Variants in NAPG observed in about 807,000 individuals in gnomAD.
NAPG encodes gamma-soluble NSF attachment protein.
A neutral mutation model predicts 48.4 loss-of-function variants in NAPG; 25 were observed. That is an observed-to-expected ratio of 0.52 (90% CI 0.38 to 0.72). NAPG has a LOEUF of 0.72. Among genes scored for constraint, NAPG ranks in the 30% least tolerant of loss-of-function variants. The pLI is 0.00. For missense variants in NAPG, 359 were observed against 372.5 expected, an observed-to-expected ratio of 0.96 and a Z score of 0.30; for synonymous variants, 139 against 127.2, an observed-to-expected ratio of 1.09 and a Z score of -0.62.
chr18:10,534,573 A>C lies in NAPG; in HGVS notation c.258+77A>C. The C allele has an allele frequency of 7.0e-7, 1 of 1,421,790 alleles. No homozygotes were observed. Among genetic ancestry groups the C allele is most frequent in the South Asian group, 1.2e-5 (1 of 86,552 alleles). The allele number at this position is 1,421,790 out of a possible 1,614,324, so 88.1% of individuals were successfully genotyped here. On this transcript the variant is annotated intron_variant, in intron 5 of 11. Coordinates refer to ENST00000322897, the MANE Select transcript of NAPG (RefSeq NM_003826.3). This position sits in a 1 kb window ranked among gnomAD's most constrained non-coding sequence, Gnocchi z 5.0. ...AGGTGTTAAACAAGAATTTTTGTTG[A>C]AGTTGAAAAGCTTCCTTACTGTAAG...
At chr18:10,533,475 C>T (rs907272253) in intron 3 of NAPG, 61 bp from the exon 4 acceptor site, 1 of 1,432,046 alleles carries the variant, frequency 7.0e-7, no homozygotes, top group Non-Finnish European at 9.5e-7. Context: ...AATAGTTGAT[C>T]TATAGAAACT....
chr18:10,532,924 A>C, intron 3 of NAPG, 129 bp downstream of exon 3: 1 of 842,580 alleles, frequency 1.2e-6, no homozygotes, highest in East Asian at 2.7e-5. Flanking sequence ...GATTAGAAAA[A>C]TTCTGTATTT....
rs2032424908 is a variant in NAPG at position 10,552,703 on chromosome 18, A to C, written c.*2483A>C. 6.6e-6 allele frequency: 1 copy of C among 152,194 alleles called. No homozygotes were observed. The highest frequency in any genetic ancestry group is 2.4e-5 in the African/African-American group (1 of 41,446). The allele number at this position is 152,194 out of a possible 1,614,324, so 9.4% of individuals were successfully genotyped here. A position where few individuals can be genotyped will look rare whatever the true frequency, so the allele number is the denominator to read the frequency against. ...TAGAATATTAAATGTGTTGTTATGG[A>C]AATACAGATTATTGCTTCTATAGGA... is the stretch of plus-strand genomic sequence containing the variant. On this transcript the variant is annotated 3_prime_UTR_variant, in exon 12 of 12. Transcript: ENST00000322897.
chr18:10,528,213 G>T (rs918247932), intron 1 of NAPG, among the ~76,000 whole-genome samples: 3 of 151,996 alleles, frequency 2.0e-5, no homozygotes, highest in Admixed American at 6.6e-5. Context: ...AAAAGGAAAA[G>T]AAAAAGAAAT....
At chr18:10,526,331 C>A in intron 1 of NAPG, 173 bp downstream of exon 1, 1 of 639,702 alleles carries the variant, frequency 1.6e-6, no homozygotes, top group Admixed American at 2.9e-5. Flanking sequence ...CTCCCGGGGT[C>A]GGGGTCAGCT....
rs2031992995 is a variant in NAPG at position 10,534,501 on chromosome 18, G to A, written c.258+5G>A. 6.2e-7 allele frequency: 1 copy of A among 1,612,302 alleles called. No homozygotes were observed. The highest frequency in any genetic ancestry group is 2.2e-5 in the East Asian group (1 of 44,756). On this transcript the variant is annotated splice_donor_5th_base_variant and intron_variant, in intron 5 of 11. Transcript: ENST00000322897. This position sits in a 1 kb window ranked among gnomAD's most constrained non-coding sequence, Gnocchi z 5.0. ...CAAGCTGGAATGATGTTGAAGGTCA[G>A]TAATGTTATGTCACAATTGTTGTGT...
intron 1 of NAPG, among the ~76,000 whole-genome samples, chr18:10,530,188 C>CTTTTTT (rs58597079): frequency 8.9e-5 from 6 of 67,320 alleles, no homozygotes; most frequent in Non-Finnish European, 1.1e-4. Flanking sequence ...CGAGTTTTCA[C>CTTTTTT]TTTTTTTTTT....
At position 10,550,454 on chromosome 18, in the gene NAPG, G is replaced by GA. The variant is rs1219062619; in HGVS notation, c.*238dup. The GA allele has an allele frequency of 1.0e-5, 4 of 394,222 alleles. No individual in the cohort carries two copies. The highest frequency in any genetic ancestry group is 8.6e-5 in the African/African-American group (4 of 46,622). 24.4% of individuals were successfully genotyped at this position (394,222 alleles called of 1,614,324 possible). ...TCTAAGACACCAGCAGGAATTAACAGAAAATGTACTGTCATGTTTTAATAC... is the reference window on the plus strand; with the variant it reads ...TCTAAGACACCAGCAGGAATTAACAGAAAAATGTACTGTCATGTTTTAATAC... On this transcript the variant is annotated 3_prime_UTR_variant, in exon 12 of 12. Coordinates refer to ENST00000322897, the MANE Select transcript of NAPG (RefSeq NM_003826.3).
intron 4 of NAPG, among the ~76,000 whole-genome samples, chr18:10,533,821 CT>C: frequency 6.6e-6 from 1 of 152,152 alleles, no homozygotes; most frequent in Admixed American, 6.5e-5. Context: ...GTTAGGATCT[CT>C]TTTTTCCTCT....
chr18:10,549,999 T>A, intron 11 of NAPG, 78 bp from the exon 12 acceptor site: 1 of 1,413,026 alleles, frequency 7.1e-7, no homozygotes, highest in Non-Finnish European at 9.3e-7. Flanking sequence ...GGAGCCAGGC[T>A]GTGTCTTTTT....
rs74642259 is a variant in NAPG, at chr18:10,536,668, A to G, written c.258+2172A>G. On this transcript the variant is annotated intron_variant, in intron 5 of 11. Coordinates refer to ENST00000322897, the MANE Select transcript of NAPG (RefSeq NM_003826.3). ...GCAAAAACAGGAAGATGTAGTTGCT[A>G]ATTTTTAAACAACAAATAGGACTCG... 7.6e-4 allele frequency among the ~76,000 whole-genome samples: 115 copies of G among 152,302 alleles called. 2 individuals are homozygous for G. In the East Asian group the frequency reaches 0.019, roughly 25 times the overall value.
intron 3 of NAPG, chr18:10,533,192 A>C (rs2031965531): frequency 3.7e-6 from 1 of 272,162 alleles, no homozygotes; most frequent in Admixed American, 5.0e-5. Flanking sequence ...AGTAGTTTAA[A>C]ACAGTACATT....
intron 2 of NAPG, 69 bp downstream of exon 2, chr18:10,530,906 A>G (rs1048991038): frequency 1.7e-5 from 21 of 1,208,544 alleles, no homozygotes; most frequent in Middle Eastern, 2.6e-4. Context: ...TCATTTCACC[A>G]TAATACTTAC....
Position 10,534,260 on chromosome 18 carries a change from C to G in NAPG, c.228-206C>G, listed in dbSNP as rs73392623. On this transcript the variant is annotated intron_variant, in intron 4 of 11. Coordinates refer to ENST00000322897, the MANE Select transcript of NAPG (RefSeq NM_003826.3). This position sits in a 1 kb window ranked among gnomAD's most constrained non-coding sequence, Gnocchi z 5.0. The stretch of plus-strand genomic sequence containing the variant: ...TCTGCAAAATAAAATCTCTTTAACT[C>G]AAATGTCTGATGTTCTAAGCCATTA... 0.016 allele frequency among the ~76,000 whole-genome samples: 2,441 copies of G among 152,208 alleles called. 65 individuals are homozygous for G. The highest frequency in any genetic ancestry group is 0.056 in the African/African-American group (2,331 of 41,514).
At chr18:10,540,519 C>T in intron 8 of NAPG, 120 bp downstream of exon 8, 1 of 669,986 alleles carries the variant, frequency 1.5e-6, no homozygotes, top group South Asian at 1.9e-5. Context: ...ACACACCAGG[C>T]CACACAATAG....
intron 3 of NAPG, 161 bp from the exon 4 acceptor site, chr18:10,533,375 T>C: frequency 1.9e-6 from 1 of 528,922 alleles, no homozygotes; most frequent in Non-Finnish European, 3.3e-6. Context: ...TTAAACTATA[T>C]TGACAGGTAT....
intron 5 of NAPG, among the ~76,000 whole-genome samples, chr18:10,535,352 A>G (rs987712126): frequency 1.1e-4 from 16 of 152,246 alleles, no homozygotes; most frequent in African/African-American, 2.7e-4. Flanking sequence ...AAAAGATTTT[A>G]TAGTCTTTGA....
chr18:10,543,126 C>G lies in NAPG; in HGVS notation c.506+2727C>G, dbSNP rs1339624028. The stretch of plus-strand genomic sequence containing the variant: ...CCAGGAGGCACAGGTTGCAGTGAGA[C>G]TCCCATCTCAAAAAAAAAAAAAAAG... On this transcript the variant is annotated intron_variant, in intron 8 of 11. Transcript: ENST00000322897. The surrounding 1 kb of genome is among the most constrained non-coding windows in gnomAD (Gnocchi z 4.4). 1.3e-5 allele frequency among the ~76,000 whole-genome samples: 2 copies of G among 148,968 alleles called. No individual in the cohort carries two copies. The highest frequency in any genetic ancestry group is 3.0e-5 in the Non-Finnish European group (2 of 67,390).
rs2032207498 is a variant in NAPG, at chr18:10,543,929, C to A, written c.507-2397C>A. On this transcript the variant is annotated intron_variant, in intron 8 of 11. Coordinates refer to ENST00000322897, the MANE Select transcript of NAPG (RefSeq NM_003826.3). This position sits in a 1 kb window ranked among gnomAD's most constrained non-coding sequence, Gnocchi z 4.4. ...ACTACAAACTCATGTAAGGGCTTGG[C>A]TCTTTTGTTAGGTAACTATATATTA... 6.6e-6 allele frequency among the ~76,000 whole-genome samples: 1 copy of A among 152,086 alleles called. No homozygotes were observed. The highest frequency in any genetic ancestry group is 2.1e-4 in the South Asian group (1 of 4,828).
Sources: allele counts gnomAD v4.1 joint callset (sites outside exome capture counted in the v4.1 genomes callset), GRCh38; gene constraint gnomAD v4.1.1; non-coding constraint Gnocchi (gnomAD v3.1); transcripts MANE v1.5; gene names NCBI Gene and HGNC (gene_info 2026-07-23, HGNC 2026-07-21).